Variants in NBEA observed in about 807,000 individuals in gnomAD.
NBEA encodes the protein lysosomal-trafficking regulator 2.
Under a neutral mutation model 343.4 loss-of-function variants are expected in NBEA, and 44 were observed. The ratio of observed to expected loss-of-function variants is 0.13; its 90% CI spans 0.10 to 0.16. The LOEUF (loss-of-function observed/expected upper bound fraction) is 0.16, where lower values mean the gene tolerates loss of function less well. NBEA is among the 10% of genes least tolerant of loss of function. The pLI is 1.00. For missense variants in NBEA, 2,555 were observed against 3,631.3 expected (o/e 0.70, Z 7.62); for synonymous variants, 1,175 against 1,238.7 (o/e 0.95, Z 1.08).
intron 1 of NBEA, among the ~76,000 whole-genome samples, chr13:34,956,880 A>G (rs575155989): frequency 2.6e-5 from 4 of 151,976 alleles, no homozygotes; most frequent in African/African-American, 7.2e-5. Context: ...TCCTCTCCCA[A>G]CCTCGGGTGA....
chr13:35,651,900 T>C lies in NBEA; in HGVS notation c.8035+24T>C, dbSNP rs759411138. 6 of 1,269,816 alleles carry C rather than the reference T, an allele frequency of 4.7e-6. No individual in the cohort carries two copies. The Admixed American group carries it at 1.2e-4, about 25-fold the overall frequency. 78.7% of individuals were successfully genotyped at this position (1,269,816 alleles called of 1,614,324 possible). A position where few individuals can be genotyped will look rare whatever the true frequency, so the allele number is the denominator to read the frequency against. On this transcript the variant is annotated intron_variant, in intron 53 of 58. Transcript: ENST00000379939. ...AGGTATGTTAATAAAAAAGAATAAA[T>C]TTTCATGGATACTATCCATATATTC... is the stretch of plus-strand genomic sequence containing the variant.
chr13:35,274,700 G>A (rs890038084), intron 34 of NBEA, among the ~76,000 whole-genome samples: 2 of 152,096 alleles, frequency 1.3e-5, no homozygotes, highest in Non-Finnish European at 2.9e-5. Flanking sequence ...AAAATCACAA[G>A]CATTCCTATA....
chr13:35,460,565 A>T lies in NBEA; in HGVS notation c.6448+8330A>T, dbSNP rs17052234. On this transcript the variant is annotated intron_variant, in intron 40 of 58. Transcript: ENST00000379939. ...TTGCCTCTTTTCATTATTTTCAAAA[A>T]GTCTACAGGTCCTTTTAGAATGTGC... Among the ~76,000 whole-genome samples, 1,480 of 152,334 alleles carry T rather than the reference A, an allele frequency of 9.7e-3. 20 individuals are homozygous for T. Among genetic ancestry groups the T allele is most frequent in the African/African-American group, 0.033 (1,390 of 41,580 alleles).
intron 48 of NBEA, among the ~76,000 whole-genome samples, chr13:35,614,095 G>T (rs1006744929): frequency 6.6e-6 from 1 of 152,126 alleles, no homozygotes; most frequent in Admixed American, 6.5e-5. Flanking sequence ...TTTTTCTGAT[G>T]ATTAGAGATG....
chr13:35,489,947 A>G (rs915683472), intron 41 of NBEA, among the ~76,000 whole-genome samples: 4 of 151,936 alleles, frequency 2.6e-5, no homozygotes, highest in Admixed American at 2.6e-4. Flanking sequence ...ACCTGGCTTC[A>G]CTGTCCTAGC....
chr13:35,160,142 A>G (rs2069455149), intron 22 of NBEA, 110 bp downstream of exon 22: 3 of 1,004,676 alleles, frequency 3.0e-6, no homozygotes, highest in African/African-American at 1.6e-5. Context: ...ATTGAATTAT[A>G]GTATAATAGT....
intron 41 of NBEA, among the ~76,000 whole-genome samples, chr13:35,539,407 G>C (rs994400457): frequency 6.6e-6 from 1 of 152,132 alleles, no homozygotes; most frequent in African/African-American, 2.4e-5. Context: ...AAGTGTTCAG[G>C]ATGGTTAGAA....
At chr13:35,632,301 A>G (rs1490157023) in intron 49 of NBEA, among the ~76,000 whole-genome samples, 1 of 152,146 alleles carries the variant, frequency 6.6e-6, no homozygotes, top group Non-Finnish European at 1.5e-5. Flanking sequence ...ATGGTTTTCT[A>G]ACACCTTGAT....
At chr13:35,399,896 G>A (rs2042916462) in intron 38 of NBEA, among the ~76,000 whole-genome samples, 1 of 151,992 alleles carries the variant, frequency 6.6e-6, no homozygotes, top group African/African-American at 2.4e-5. Context: ...CAGGGAATAG[G>A]GAAGCCCAAA....
intron 36 of NBEA, among the ~76,000 whole-genome samples, chr13:35,339,036 C>A (rs547305762): frequency 6.6e-6 from 1 of 151,962 alleles, no homozygotes; most frequent in Non-Finnish European, 1.5e-5. Context: ...CAAAGAACCC[C>A]GCAATGAAGT....
chr13:35,362,147 A>G (rs781264456), intron 38 of NBEA, among the ~76,000 whole-genome samples: 4 of 152,026 alleles, frequency 2.6e-5, no homozygotes, highest in Admixed American at 6.6e-5. Flanking sequence ...TCTGCATTAT[A>G]TATTTATTGT....
intron 48 of NBEA, among the ~76,000 whole-genome samples, chr13:35,626,320 A>G (rs2083228791): frequency 6.6e-6 from 1 of 152,158 alleles, no homozygotes; most frequent in South Asian, 2.1e-4. Flanking sequence ...GAGATAAAAG[A>G]GAAAAAACAC....
intron 36 of NBEA, among the ~76,000 whole-genome samples, chr13:35,345,627 C>T (rs2039828562): frequency 6.6e-6 from 1 of 151,858 alleles, no homozygotes. Flanking sequence ...GTGTGTTAAC[C>T]CAGGGTCACA....
At chr13:35,349,802 A>T (rs2040084818) in intron 37 of NBEA, among the ~76,000 whole-genome samples, 1 of 152,072 alleles carries the variant, frequency 6.6e-6, no homozygotes, top group Non-Finnish European at 1.5e-5. Flanking sequence ...CAGAGCCCAC[A>T]ATTCTAGTTT....
intron 7 of NBEA, among the ~76,000 whole-genome samples, chr13:35,056,735 G>A (rs1451072536): frequency 2.0e-5 from 3 of 151,998 alleles, no homozygotes; most frequent in Non-Finnish European, 4.4e-5. Flanking sequence ...TAAGAGATGA[G>A]GTTAGGCAGA....
intron 16 of NBEA, among the ~76,000 whole-genome samples, chr13:35,119,072 T>C (rs1244708968): frequency 6.6e-6 from 1 of 152,114 alleles, no homozygotes; most frequent in Non-Finnish European, 1.5e-5. Context: ...ATGGAAATAA[T>C]AGAGATGAAA....
intron 34 of NBEA, among the ~76,000 whole-genome samples, chr13:35,254,145 A>G (rs2032303320): frequency 6.6e-6 from 1 of 151,950 alleles, no homozygotes; most frequent in Admixed American, 6.6e-5. Context: ...TTTTGGGGAA[A>G]CTATTATAAT....
chr13:35,118,636 C>G (rs759183167), intron 16 of NBEA, among the ~76,000 whole-genome samples, 162 bp downstream of exon 16: 7 of 152,008 alleles, frequency 4.6e-5, no homozygotes, highest in Non-Finnish European at 1.0e-4. Flanking sequence ...ACTCAGGAAA[C>G]TGATGAAGTG....
At chr13:35,405,204 G>A (rs988255032) in intron 38 of NBEA, among the ~76,000 whole-genome samples, 4 of 152,128 alleles carry the variant, frequency 2.6e-5, no homozygotes, top group East Asian at 3.9e-4. Context: ...AACAGTTGAT[G>A]TAATTACTAT....
Sources: allele counts gnomAD v4.1 joint callset (sites outside exome capture counted in the v4.1 genomes callset), GRCh38; gene constraint gnomAD v4.1.1; transcripts MANE v1.5; gene names NCBI Gene and HGNC (gene_info 2026-07-23, HGNC 2026-07-21).